SIK3: variants seen among roughly 807,000 people sequenced by gnomAD.
SIK3 encodes SIK family kinase 3, also known as serine/threonine-protein kinase SIK3.
A neutral mutation model predicts 144.2 loss-of-function variants in SIK3; 28 were observed. The observed-to-expected ratio is 0.19, with a 90% CI of 0.14 to 0.27. The LOEUF (loss-of-function observed/expected upper bound fraction) is 0.27. SIK3 is among the 10% of genes least tolerant of loss of function. The pLI is 1.00. For synonymous variants in SIK3, 686 were observed against 676.3 expected, an observed-to-expected ratio of 1.01 and a Z score of -0.22; for missense variants, 1,319 against 1,776.0, an observed-to-expected ratio of 0.74 and a Z score of 4.62.
intron 6 of SIK3, among the ~76,000 whole-genome samples, chr11:116,894,251 C>T (rs1451159251): frequency 6.6e-6 from 1 of 152,176 alleles, no homozygotes; most frequent in African/African-American, 2.4e-5. Flanking sequence ...TCATGGACCT[C>T]TTCTCTTCTC....
chr11:116,937,580 T>C (rs1035660067), intron 3 of SIK3, among the ~76,000 whole-genome samples: 1 of 152,160 alleles, frequency 6.6e-6, no homozygotes, highest in Non-Finnish European at 1.5e-5. Flanking sequence ...ACCACAAGTC[T>C]CCTTATTATT....
chr11:116,987,806 T>A (rs1197011405), intron 1 of SIK3, among the ~76,000 whole-genome samples: 1 of 152,176 alleles, frequency 6.6e-6, no homozygotes, highest in Non-Finnish European at 1.5e-5. Context: ...AAATATTCAC[T>A]CTTTACCTCA....
intron 3 of SIK3, among the ~76,000 whole-genome samples, chr11:116,944,479 AATC>A (rs1948475900): frequency 1.3e-5 from 2 of 152,068 alleles, no homozygotes; most frequent in Admixed American, 1.3e-4. Context: ...TCAATCAATC[AATC>A]AATCAGGCTT....
intron 1 of SIK3, among the ~76,000 whole-genome samples, chr11:117,069,408 G>A (rs1441117485): frequency 2.0e-5 from 3 of 151,972 alleles, no homozygotes; most frequent in East Asian, 3.9e-4. Flanking sequence ...ATTTCTAAAA[G>A]GTAAGTACTT....
chr11:116,874,051 TC>T lies in SIK3; in HGVS notation c.1432del (p.Glu478LysfsTer29). ...GAGCTTCTGCAGATCTTCCATAACTTCCGTGCTGATACAAAACAGAATGACA... is the reference window on the plus strand; with the variant it reads ...GAGCTTCTGCAGATCTTCCATAACTTCGTGCTGATACAAAACAGAATGACA... ...HTVGVADPRT[E>X]VMEDLQKLLP... On this transcript the variant is annotated frameshift_variant, in exon 12 of 25. Coordinates refer to ENST00000445177, the MANE Select transcript of SIK3 (RefSeq NM_001366686.3). LOFTEE classifies it high-confidence loss of function. 6.2e-7 allele frequency: 1 copy of T among 1,613,522 alleles called. No homozygotes were observed.
rs903591694 is a variant in SIK3, at chr11:116,843,443, A to G, written c.*2200T>C. On this transcript the variant is annotated 3_prime_UTR_variant, in exon 25 of 25. Transcript: ENST00000445177. ...GGAGATTTTTTTTTTAATCCTTTTTAGTTCAACATAAAATGAGAAAGAAAA... is the reference window on the plus strand; with the variant it reads ...GGAGATTTTTTTTTTAATCCTTTTTGGTTCAACATAAAATGAGAAAGAAAA... 2.0e-5 allele frequency: 3 copies of G among 152,182 alleles called. No individual in the cohort carries two copies. Among genetic ancestry groups the G allele is most frequent in the Non-Finnish European group, 4.4e-5 (3 of 68,026 alleles). 9.4% of individuals were successfully genotyped at this position (152,182 alleles called of 1,614,324 possible).
At chr11:117,093,678 A>AG (rs57383565) in intron 1 of SIK3, among the ~76,000 whole-genome samples, 24,863 of 151,814 alleles carry the variant, frequency 0.16, 2,170 homozygotes, top group Admixed American at 0.21. Flanking sequence ...ATTTAAAAAA[A>AG]AAAAAAAAAG....
In SIK3 at chr11:116,858,550, G is replaced by A. The variant is rs550672233; in HGVS notation, c.2915C>T (p.Pro972Leu). Residue 972 changes from proline to leucine, a missense_variant, in exon 21 of 25, where the codon CCA becomes CTA. Pro to Leu is a moderately conservative substitution (Grantham distance 98, BLOSUM62 -3). Transcript: ENST00000445177. The surrounding 1 kb of genome is among the most constrained non-coding windows in gnomAD (Gnocchi z 5.4). ...AGGGAAGGTGGGGAATTGGTCAAGT[G>A]GAGGGACTTTCAGGGCTTGGGTTGG... Reference protein sequence around the residue: ...FSPTQALKVPPLDQFPTFPPS... With the variant: ...FSPTQALKVPLLDQFPTFPPS... 19 of 1,613,768 alleles carry A rather than the reference G, an allele frequency of 1.2e-5. No individual in the cohort carries two copies. The South Asian group carries it at 2.1e-4, about 18-fold the overall frequency.
At chr11:116,889,221 T>C (rs1282493068) in intron 6 of SIK3, among the ~76,000 whole-genome samples, 1 of 152,212 alleles carries the variant, frequency 6.6e-6, no homozygotes, top group Non-Finnish European at 1.5e-5. Flanking sequence ...ATATGTGCTA[T>C]TACCTATTCT....
chr11:116,993,389 G>A (rs1950557195), intron 1 of SIK3, among the ~76,000 whole-genome samples: 2 of 151,146 alleles, frequency 1.3e-5, no homozygotes, highest in South Asian at 4.2e-4. Flanking sequence ...TGGTTTAAAT[G>A]GACAACAATT....
chr11:116,887,245 T>TAAA (rs5795056), intron 6 of SIK3, among the ~76,000 whole-genome samples: 2 of 103,638 alleles, frequency 1.9e-5, no homozygotes, highest in Non-Finnish European at 3.8e-5. Flanking sequence ...GTCTCTACAC[T>TAAA]AAAAAAAAAA....
At chr11:116,915,122 A>ATGTGTGTGTGTGTGTGTGTGTG (rs1423283335) in intron 4 of SIK3, among the ~76,000 whole-genome samples, 1 of 100,026 alleles carries the variant, frequency 1.0e-5, no homozygotes, top group African/African-American at 4.9e-5. Flanking sequence ...AGGAAGCCAT[A>ATGTGTGTGTGTGTGTGTGTGTG]TATGTGTGTG....
At chr11:117,070,456 T>C (rs1172511253) in intron 1 of SIK3, among the ~76,000 whole-genome samples, 1 of 151,564 alleles carries the variant, frequency 6.6e-6, no homozygotes, top group Non-Finnish European at 1.5e-5. Flanking sequence ...TTTTTTTTTT[T>C]CTTTTTTGAG....
intron 21 of SIK3, among the ~76,000 whole-genome samples, chr11:116,851,195 G>T (rs1452672681): frequency 6.6e-6 from 1 of 152,172 alleles, no homozygotes; most frequent in East Asian, 1.9e-4. Flanking sequence ...TTTGACTTCA[G>T]TCTTTAAAAG....
intron 1 of SIK3, among the ~76,000 whole-genome samples, chr11:117,013,996 A>C: frequency 1.6e-4 from 1 of 6,158 alleles, no homozygotes; most frequent in Non-Finnish European, 3.7e-4. Context: ...TTTTTTTTTG[A>C]GACAGGATGG....
intron 4 of SIK3, among the ~76,000 whole-genome samples, chr11:116,910,789 T>C (rs1946298153): frequency 6.6e-6 from 1 of 151,720 alleles, no homozygotes; most frequent in Non-Finnish European, 1.5e-5. Flanking sequence ...TCCAGAAGAA[T>C]GACAACTTCA....
intron 1 of SIK3, among the ~76,000 whole-genome samples, chr11:117,094,885 T>C (rs971344555): frequency 3.9e-5 from 6 of 152,086 alleles, no homozygotes; most frequent in Non-Finnish European, 8.8e-5. Flanking sequence ...AACCAAAGTA[T>C]GTCACAGCTG....
intron 21 of SIK3, chr11:116,855,823 A>G (rs1213527926): frequency 6.6e-6 from 1 of 152,236 alleles, no homozygotes; most frequent in African/African-American, 2.4e-5. Flanking sequence ...GTAAATGGGA[A>G]TAAGAGTTGG....
chr11:116,882,420 G>A (rs1288452837), intron 6 of SIK3, among the ~76,000 whole-genome samples: 1 of 152,148 alleles, frequency 6.6e-6, no homozygotes, highest in Non-Finnish European at 1.5e-5. Context: ...AAAAATTTAA[G>A]GAACCAGATC....
Sources: gnomAD v4.1 joint callset for allele counts (sites outside exome capture counted in the v4.1 genomes callset) on GRCh38, gnomAD v4.1.1 for gene constraint, Gnocchi (gnomAD v3.1) non-coding constraint, MANE v1.5 for transcripts, NCBI Gene and HGNC (gene_info 2026-07-23, HGNC 2026-07-21) for gene names.